ARHGAP22: variants seen among roughly 807,000 people sequenced by gnomAD.
The protein encoded by ARHGAP22 is Rho GTPase activating protein 22, also known as rho GTPase-activating protein 22.
A neutral mutation model predicts 59.1 loss-of-function variants in ARHGAP22; 48 were observed. That is an observed-to-expected ratio of 0.81 (90% confidence interval 0.64 to 1.03). The LOEUF is 1.03. Among genes scored for constraint, ARHGAP22 ranks in the 50% least tolerant of loss-of-function variants. The pLI, the probability that ARHGAP22 is intolerant of heterozygous loss-of-function variation, is 0.00. For synonymous variants in ARHGAP22, 445 were observed against 416.4 expected (o/e 1.07, Z -0.84); for missense variants, 1,015 against 958.7 (o/e 1.06, Z -0.78).
intron 3 of ARHGAP22, among the ~76,000 whole-genome samples, chr10:48,502,120 G>A (rs1227723616): frequency 1.3e-5 from 2 of 152,186 alleles, no homozygotes; most frequent in Non-Finnish European, 2.9e-5. Flanking sequence ...TGCCCCAAAT[G>A]TCCTCCAAAT....
At chr10:48,593,475 A>G (rs2059888184) in intron 1 of ARHGAP22, among the ~76,000 whole-genome samples, 1 of 152,250 alleles carries the variant, frequency 6.6e-6, no homozygotes, top group African/African-American at 2.4e-5. Flanking sequence ...ACAAAGTTTA[A>G]TTACTAAATT....
intron 4 of ARHGAP22, among the ~76,000 whole-genome samples, chr10:48,473,412 G>T (rs2048404794): frequency 6.6e-6 from 1 of 152,178 alleles, no homozygotes; most frequent in Non-Finnish European, 1.5e-5. Flanking sequence ...GTACAACAGT[G>T]TGAATACACT....
chr10:48,450,263 T>C lies in ARHGAP22; in HGVS notation c.1866A>G (p.Lys622=), dbSNP rs1333392876. 1.2e-6 allele frequency: 2 copies of C among 1,608,910 alleles called. No homozygotes were observed. The highest frequency in any genetic ancestry group is 4.5e-5 in the East Asian group (2 of 44,702). The change falls in exon 9 of 10, where the codon AAA becomes AAG. Residue 622 remains lysine (K), a splice_region_variant and synonymous_variant. Coordinates refer to ENST00000249601, the MANE Select transcript of ARHGAP22 (RefSeq NM_021226.4). The stretch of plus-strand genomic sequence containing the variant: ...GGCTCCACGGGGCAGCAAGTTACCT[T>C]TTCACACTCCTCTCGTACTCAGTCC... ...RQRTEYERSV[K]RIEEGSADLR...
chr10:48,456,114 G>A (rs1259039975), intron 5 of ARHGAP22, among the ~76,000 whole-genome samples: 1 of 152,200 alleles, frequency 6.6e-6, no homozygotes, highest in African/African-American at 2.4e-5. Flanking sequence ...TGCGTTCCAA[G>A]CCGTATATGG....
chr10:48,443,374 C>G (rs866859515), downstream of ARHGAP22, among the ~76,000 whole-genome samples: 4 of 152,206 alleles, frequency 2.6e-5, no homozygotes, highest in Non-Finnish European at 4.4e-5. Context: ...GAGTATCTGG[C>G]CCCTGCTAGG....
At chr10:48,652,179 A>G in intron 1 of ARHGAP22, 1 of 1,489,932 alleles carries the variant, frequency 6.7e-7, no homozygotes, top group Admixed American at 2.0e-5. Context: ...CCCTCAAGCA[A>G]GAAGTCAAAT....
At chr10:48,522,592 G>A (rs948607281) in intron 3 of ARHGAP22, among the ~76,000 whole-genome samples, 3 of 152,214 alleles carry the variant, frequency 2.0e-5, no homozygotes, top group Non-Finnish European at 2.9e-5. Flanking sequence ...AGGCCCTGGC[G>A]GGGGTGAAAT....
rs777863836 is a variant in ARHGAP22 at position 48,453,339 on chromosome 10, C to T, written c.953G>A (p.Arg318Gln). The change falls in exon 8 of 10, where the codon CGG (arginine) becomes CAG (glutamine). Residue 318 changes from arginine (R) to glutamine (Q), a missense_variant. Coordinates refer to ENST00000249601, the MANE Select transcript of ARHGAP22 (RefSeq NM_021226.4). ...GGTTACTGGGTCCTCTACCTGTGGC[C>T]GCAGAATGTTAGGTCCAAAAACGGT... ...LATVFGPNIL[R>Q]PQVEDPVTIM... 6.2e-6 allele frequency: 10 copies of T among 1,613,988 alleles called. No homozygotes were observed. The highest frequency in any genetic ancestry group is 8.5e-6 in the Non-Finnish European group (10 of 1,179,976).
intron 4 of ARHGAP22, among the ~76,000 whole-genome samples, chr10:48,476,722 G>A (rs2048786372): frequency 6.6e-6 from 1 of 152,220 alleles, no homozygotes; most frequent in Non-Finnish European, 1.5e-5. Flanking sequence ...TGGGGAAGGG[G>A]TCAGTCTAGG....
intron 1 of ARHGAP22, 114 bp downstream of exon 1, chr10:48,604,649 G>A (rs2060578293): frequency 6.5e-6 from 10 of 1,534,972 alleles, no homozygotes; most frequent in Admixed American, 5.1e-5. Flanking sequence ...AGCGGCAATG[G>A]TCCCAGAACG....
At chr10:48,656,175 C>G (rs1489622922), upstream of ARHGAP22, 1 of 151,406 alleles carries the variant, frequency 6.6e-6, no homozygotes, top group Non-Finnish European at 1.5e-5. Context: ...CCCCGGCCTC[C>G]GTGTGATGAG....
chr10:48,464,549 C>G (rs1362702851), intron 4 of ARHGAP22, among the ~76,000 whole-genome samples: 1 of 152,184 alleles, frequency 6.6e-6, no homozygotes, highest in African/African-American at 2.4e-5. Context: ...GATGGAGGAG[C>G]ATGGGCGTCA....
intron 2 of ARHGAP22, among the ~76,000 whole-genome samples, chr10:48,569,080 T>C (rs770371895): frequency 6.6e-6 from 1 of 152,190 alleles, no homozygotes; most frequent in Non-Finnish European, 1.5e-5. Context: ...CTCCTTTGGC[T>C]GAAAATGGTT....
intron 1 of ARHGAP22, among the ~76,000 whole-genome samples, chr10:48,636,609 A>G (rs1408179154): frequency 6.6e-6 from 1 of 152,098 alleles, no homozygotes; most frequent in Non-Finnish European, 1.5e-5. Context: ...TCTCCTAGAG[A>G]GGAGGGGATA....
intron 3 of ARHGAP22, among the ~76,000 whole-genome samples, chr10:48,523,855 C>A (rs947625869): frequency 6.6e-6 from 1 of 152,024 alleles, no homozygotes; most frequent in East Asian, 1.9e-4. Context: ...CCAGGATGCG[C>A]CCCCGCGCCC....
chr10:48,454,927 G>C (rs1370153116), intron 6 of ARHGAP22, 75 bp downstream of exon 6: 2 of 1,441,774 alleles, frequency 1.4e-6, no homozygotes, highest in Non-Finnish European at 1.8e-6. Flanking sequence ...TGAAAAGTCA[G>C]AGTCTGTGTC....
At chr10:48,522,922 C>T (rs909060628) in intron 3 of ARHGAP22, among the ~76,000 whole-genome samples, 2 of 152,190 alleles carry the variant, frequency 1.3e-5, no homozygotes, top group African/African-American at 4.8e-5. Context: ...GACCTCTCTA[C>T]GTCCTGTGTA....
intron 2 of ARHGAP22, among the ~76,000 whole-genome samples, chr10:48,580,231 G>A (rs1056486281): frequency 2.0e-5 from 3 of 152,180 alleles, no homozygotes; most frequent in African/African-American, 4.8e-5. Context: ...TTGTGACTGT[G>A]GATGTCCATG....
chr10:48,535,641 T>A (rs905894099), intron 3 of ARHGAP22, among the ~76,000 whole-genome samples: 2 of 152,158 alleles, frequency 1.3e-5, no homozygotes, highest in African/African-American at 4.8e-5. Context: ...GCCACACCGG[T>A]CCAGAGGGGT....
Sources: gnomAD v4.1 joint callset for allele counts (sites outside exome capture counted in the v4.1 genomes callset) on GRCh38, gnomAD v4.1.1 for gene constraint, MANE v1.5 for transcripts, NCBI Gene and HGNC (gene_info 2026-07-23, HGNC 2026-07-21) for gene names.